Variants in MIER1 observed in about 807,000 individuals in gnomAD.
The protein encoded by MIER1 is MIER1 transcriptional regulator.
In MIER1, 40 loss-of-function variants were observed where a neutral mutation model predicts 75.7. That is an observed-to-expected ratio of 0.53 (90% CI 0.41 to 0.69). MIER1 has a LOEUF of 0.69. MIER1 is among the 30% of genes least tolerant of loss of function. The pLI is 0.00. For missense variants in MIER1, 574 were observed against 680.2 expected, an observed-to-expected ratio of 0.84 and a Z score of 1.74; for synonymous variants, 213 against 223.4, an observed-to-expected ratio of 0.95 and a Z score of 0.42.
intron 13 of MIER1, among the ~76,000 whole-genome samples, chr1:66,983,089 T>C (rs540749937): frequency 1.3e-5 from 2 of 152,364 alleles, no homozygotes; most frequent in South Asian, 4.1e-4. Context: ...AAAGTGTTCA[T>C]AAGTTACTTA....
chr1:66,986,234 T>C lies in MIER1; in HGVS notation c.*1334T>C. The C allele has an allele frequency of 7.6e-7, 1 of 1,322,054 alleles. No homozygotes were observed. Among genetic ancestry groups the C allele is most frequent in the Non-Finnish European group, 9.6e-7 (1 of 1,037,614 alleles). 81.9% of individuals were successfully genotyped at this position (1,322,054 alleles called of 1,614,324 possible). On this transcript the variant is annotated 3_prime_UTR_variant, in exon 14 of 14. Coordinates refer to ENST00000401041, the MANE Select transcript of MIER1 (RefSeq NM_001077700.3). ...GTGAAAATAAGATACACAATAATCA[T>C]TGCTCTGTGTGATTACAGATAGGAT...
At chr1:66,944,721 TTTTA>T in intron 3 of MIER1, among the ~76,000 whole-genome samples, 1 of 152,052 alleles carries the variant, frequency 6.6e-6, no homozygotes, top group South Asian at 2.1e-4. Context: ...TTAGATTTTT[TTTTA>T]TTTATTTTTT....
chr1:66,973,002 A>G lies in MIER1; in HGVS notation c.1101+11A>G. The G allele has an allele frequency of 2.0e-6, 3 of 1,505,826 alleles. No homozygotes were observed. The highest frequency in any genetic ancestry group is 2.8e-6 in the Non-Finnish European group (3 of 1,085,172). The allele number at this position is 1,505,826 out of a possible 1,614,324, so 93.3% of individuals were successfully genotyped here. A position where few individuals can be genotyped will look rare whatever the true frequency, so the allele number is the denominator to read the frequency against. On this transcript the variant is annotated intron_variant, in intron 11 of 13. Transcript: ENST00000401041. ...ATTCAGGCTAATAAAGTAAGTAATG[A>G]TAATCTCTTTTTTGCAAAAAGAAAT...
chr1:66,961,917 T>G (rs1345692110), intron 7 of MIER1, among the ~76,000 whole-genome samples: 1 of 152,268 alleles, frequency 6.6e-6, no homozygotes, highest in African/African-American at 2.4e-5. Flanking sequence ...GAAATAACTT[T>G]ATTACATAAA....
In MIER1 at chr1:66,926,149, G is replaced by C; in HGVS notation, c.75G>C (p.Val25=). Residue 25 remains valine, a synonymous_variant, in exon 2 of 14, where the codon GTG becomes GTC. Coordinates refer to ENST00000401041, the MANE Select transcript of MIER1 (RefSeq NM_001077700.3). ...GGGSSGSGYG[V]VARFSQCLAE... is the part of the protein sequence containing the mutation. ...CTCTTTCCTTTGATCCAGATGGTGT[G>C]GTCGCTCGATTCTCCCAGTGCCTGG... 6.2e-7 allele frequency: 1 copy of C among 1,613,506 alleles called. No homozygotes were observed. The highest frequency in any genetic ancestry group is 8.5e-7 in the Non-Finnish European group (1 of 1,179,482).
intron 4 of MIER1, among the ~76,000 whole-genome samples, chr1:66,957,431 C>T (rs747963222): frequency 8.6e-5 from 13 of 151,854 alleles, no homozygotes; most frequent in East Asian, 1.9e-4. Context: ...CCTCTGTTTT[C>T]GCATCTATGA....
At position 66,986,537 on chromosome 1, in the gene MIER1, G is replaced by C; in HGVS notation, c.*1637G>C. On this transcript the variant is annotated 3_prime_UTR_variant, in exon 14 of 14. Transcript: ENST00000401041. ...ATGTAATTGAGTGAAGGTTTGCACT[G>C]AGAAATTAGCATTCAGGCCTTACCC... 5 of 1,238,122 alleles carry C rather than the reference G, an allele frequency of 4.0e-6. No homozygotes were observed. The highest frequency in any genetic ancestry group is 4.7e-6 in the Non-Finnish European group (4 of 843,774). The allele number at this position is 1,238,122 out of a possible 1,614,324, so 76.7% of individuals were successfully genotyped here.
chr1:66,949,890 T>A (rs1658521042), intron 4 of MIER1, among the ~76,000 whole-genome samples: 1 of 151,164 alleles, frequency 6.6e-6, no homozygotes, highest in Admixed American at 6.6e-5. Context: ...GTATAGCATG[T>A]GGTTTTAAGT....
Position 66,958,082 on chromosome 1 carries a change from A to G in MIER1, c.363A>G (p.Glu121=), listed in dbSNP as rs1242222173. ...AGGAAGGCGACATGCCAATTCATGA[A>G]CTTCTCAGCCTTTATGGTTATGGTA... ...LAREGDMPIH[E]LLSLYGYGST... Residue 121 remains glutamate (E), a synonymous_variant, in exon 5 of 14, where the codon GAA becomes GAG. Transcript: ENST00000401041. 6.3e-7 allele frequency: 1 copy of G among 1,590,330 alleles called. No homozygotes were observed. The highest frequency in any genetic ancestry group is 2.3e-5 in the East Asian group (1 of 44,250).
rs1666983938 is a variant in MIER1 at position 66,987,899 on chromosome 1, AGTCCCTAGACCTCCATTCACT to A, written c.*3000_*3020del. On this transcript the variant is annotated 3_prime_UTR_variant, in exon 14 of 14. Coordinates refer to ENST00000401041, the MANE Select transcript of MIER1 (RefSeq NM_001077700.3). The stretch of plus-strand genomic sequence containing the variant: ...CCCCTTTGCCACAAGAGATCCTTTC[AGTCCCTAGACCTCCATTCACT>A]CTGTTTCTCTTCTGCTGGATTATAT... 2 of 151,398 alleles carry A rather than the reference AGTCCCTAGACCTCCATTCACT, an allele frequency of 1.3e-5. No individual in the cohort carries two copies. The highest frequency in any genetic ancestry group is 4.9e-5 in the African/African-American group (2 of 40,598). 9.4% of individuals were successfully genotyped at this position (151,398 alleles called of 1,614,324 possible).
At chr1:66,955,862 C>G (rs1286174716) in intron 4 of MIER1, among the ~76,000 whole-genome samples, 1 of 152,068 alleles carries the variant, frequency 6.6e-6, no homozygotes, top group Non-Finnish European at 1.5e-5. Context: ...AGGATATGAG[C>G]TTAAGAAACG....
chr1:66,926,102 C>T (rs1469476511), intron 1 of MIER1, 40 bp from the exon 2 acceptor site: 7 of 1,502,752 alleles, frequency 4.7e-6, no homozygotes, highest in Non-Finnish European at 6.5e-6. Context: ...ATCATCGTTT[C>T]TGTCTCCTTG....
At chr1:66,967,589 A>G (rs1456593787) in intron 8 of MIER1, among the ~76,000 whole-genome samples, 1 of 151,686 alleles carries the variant, frequency 6.6e-6, no homozygotes, top group East Asian at 1.9e-4. Flanking sequence ...TTTTGGTAGC[A>G]TGGACATTTT....
chr1:66,963,194 A>C (rs1164016438), intron 8 of MIER1, 34 bp downstream of exon 8: 2 of 1,316,326 alleles, frequency 1.5e-6, no homozygotes, highest in East Asian at 4.6e-5. Flanking sequence ...AGCTGAATTT[A>C]TGCTTTCAGT....
rs557189793 is a variant in MIER1 at position 66,949,197 on chromosome 1, C to G, written c.339+2902C>G. Among the ~76,000 whole-genome samples the G allele has an allele frequency of 7.4e-4, 112 of 152,102 alleles. 1 individual carries two copies. Among genetic ancestry groups the G allele is most frequent in the Admixed American group, 1.1e-3 (17 of 15,274 alleles). Reference sequence around the variant, plus strand: ...AATCTTGTATTTTCTGTCTTATATTCTATATTAGCTAAAATACTAATTAGC... The same window carrying G: ...AATCTTGTATTTTCTGTCTTATATTGTATATTAGCTAAAATACTAATTAGC... On this transcript the variant is annotated intron_variant, in intron 4 of 13. Coordinates refer to ENST00000401041, the MANE Select transcript of MIER1 (RefSeq NM_001077700.3).
chr1:66,932,314 A>G (rs1311747364), intron 2 of MIER1, among the ~76,000 whole-genome samples: 1 of 152,172 alleles, frequency 6.6e-6, no homozygotes, highest in African/African-American at 2.4e-5. Context: ...AAGAACTGGA[A>G]TTTTGTTTTT....
intron 3 of MIER1, 93 bp downstream of exon 3, chr1:66,940,145 C>G: frequency 1.1e-6 from 1 of 880,330 alleles, no homozygotes; most frequent in East Asian, 2.6e-5. Context: ...TATTATCTGA[C>G]TTGCTTTTCT....
intron 2 of MIER1, among the ~76,000 whole-genome samples, chr1:66,938,341 CAG>C (rs1185233511): frequency 1.3e-5 from 2 of 151,892 alleles, no homozygotes; most frequent in Non-Finnish European, 2.9e-5. Context: ...TTTTTTAAAT[CAG>C]AGAACTGTTA....
chr1:66,930,604 C>G (rs1382122387), intron 2 of MIER1, among the ~76,000 whole-genome samples: 5 of 151,240 alleles, frequency 3.3e-5, no homozygotes, highest in Non-Finnish European at 7.4e-5. Context: ...GAAGCGGAGG[C>G]GTACTTGGAC....
Sources: allele counts gnomAD v4.1 joint callset (sites outside exome capture counted in the v4.1 genomes callset), GRCh38; gene constraint gnomAD v4.1.1; transcripts MANE v1.5; gene names NCBI Gene and HGNC (gene_info 2026-07-23, HGNC 2026-07-21).